The following VIL1 variants were observed in gnomAD, a reference collection of about 807,000 sequenced individuals.
VIL1 encodes villin-1.
A neutral mutation model predicts 104.0 loss-of-function variants in VIL1; 86 were observed. The ratio of observed to expected loss-of-function variants is 0.83; its 90% CI spans 0.69 to 0.99. The LOEUF (loss-of-function observed/expected upper bound fraction) is 0.99. Among genes scored for constraint, VIL1 ranks in the 50% least tolerant of loss-of-function variants. VIL1 has a pLI of 0.00. For missense variants in VIL1, 944 were observed against 1,054.1 expected (o/e 0.90, Z 1.45); for synonymous variants, 394 against 412.6 (o/e 0.95, Z 0.55).
intron 2 of VIL1, 94 bp downstream of exon 2, chr2:218,423,947 T>G: frequency 7.0e-7 from 1 of 1,434,668 alleles, no homozygotes; most frequent in Non-Finnish European, 9.7e-7. Context: ...TCGTTTCCTC[T>G]GCTCCTGCCC....
At chr2:218,448,556 A>G (rs1273367278) in intron 19 of VIL1, among the ~76,000 whole-genome samples, 1 of 151,386 alleles carries the variant, frequency 6.6e-6, no homozygotes, top group African/African-American at 2.4e-5. Context: ...ACAGTAAGAC[A>G]CTGTCTTAAA....
At chr2:218,420,453 GAAA>G (rs375284925) in intron 1 of VIL1, among the ~76,000 whole-genome samples, 23 of 134,746 alleles carry the variant, frequency 1.7e-4, no homozygotes, top group Non-Finnish European at 3.6e-4. Flanking sequence ...AAAAAGAAAA[GAAA>G]AAAAGAAAAA....
chr2:218,429,138 G>T, intron 6 of VIL1, 147 bp from the exon 7 acceptor site: 1 of 894,816 alleles, frequency 1.1e-6, no homozygotes. Context: ...TTAAAAGCTT[G>T]ACCCCTCCGA....
At chr2:218,438,910 A>C (rs1191654856) in intron 18 of VIL1, among the ~76,000 whole-genome samples, 184 bp downstream of exon 18, 1 of 144,246 alleles carries the variant, frequency 6.9e-6, no homozygotes, top group Admixed American at 7.2e-5. Flanking sequence ...TCAATTTCCT[A>C]GTGAAATGGT....
At chr2:218,439,350 G>A (rs1478531073) in intron 18 of VIL1, among the ~76,000 whole-genome samples, 1 of 152,144 alleles carries the variant, frequency 6.6e-6, no homozygotes, top group African/African-American at 2.4e-5. Context: ...TATAGACTTA[G>A]AATTGGCACC....
At chr2:218,423,394 C>G (rs1688927202) in intron 1 of VIL1, among the ~76,000 whole-genome samples, 1 of 151,870 alleles carries the variant, frequency 6.6e-6, no homozygotes, top group Non-Finnish European at 1.5e-5. Context: ...GACTCCATCT[C>G]AAAAAGAAGA....
chr2:218,445,224 A>T (rs1376770674), intron 19 of VIL1, among the ~76,000 whole-genome samples: 1 of 151,978 alleles, frequency 6.6e-6, no homozygotes, highest in Non-Finnish European at 1.5e-5. Flanking sequence ...ACAAAGTGAG[A>T]CCCTGTCTCT....
At chr2:218,420,943 A>G (rs1205801988) in intron 1 of VIL1, among the ~76,000 whole-genome samples, 1 of 152,068 alleles carries the variant, frequency 6.6e-6, no homozygotes, top group African/African-American at 2.4e-5. Context: ...AAAGACAAAC[A>G]TATCTAGGTC....
intron 2 of VIL1, 67 bp from the exon 3 acceptor site, chr2:218,424,209 GC>G: frequency 7.0e-7 from 1 of 1,433,654 alleles, no homozygotes. Flanking sequence ...CTCCCCTTGG[GC>G]CCTCCTCCCA....
At position 218,423,819 on chromosome 2, in the gene VIL1, T is replaced by C; in HGVS notation, c.41T>C (p.Ile14Thr). The change falls in exon 2 of 20, where the codon ATC becomes ACC. Residue 14 changes from isoleucine (I) to threonine (T), a missense_variant. Coordinates refer to ENST00000248444, the MANE Select transcript of VIL1 (RefSeq NM_007127.3). ...LSAQVKGSLN[I>T]TTPGLQIWRI... The stretch of plus-strand genomic sequence containing the variant: ...GCCCAAGTCAAAGGCTCTCTCAACA[T>C]CACCACCCCGGGGCTGCAGATATGG... 6.2e-7 allele frequency: 1 copy of C among 1,614,022 alleles called. No homozygotes were observed. Among genetic ancestry groups the C allele is most frequent in the Non-Finnish European group, 8.5e-7 (1 of 1,179,982 alleles).
chr2:218,449,275 C>T lies in VIL1; in HGVS notation c.2423C>T (p.Ala808Val). The change falls in exon 20 of 20, where the codon GCC (alanine) becomes GTC (valine). Residue 808 changes from alanine to valine, a missense_variant. Physicochemically the swap from Ala to Val is moderately conservative, Grantham distance 64. Transcript: ENST00000248444. ...FTQAFGMTPA[A>V]FSALPRWKQQ... Reference sequence around the variant, plus strand: ...CAGGCCTTTGGGATGACTCCAGCTGCCTTCTCTGCTCTGCCTCGATGGAAG... The same window carrying T: ...CAGGCCTTTGGGATGACTCCAGCTGTCTTCTCTGCTCTGCCTCGATGGAAG... The T allele has an allele frequency of 1.9e-6, 3 of 1,614,064 alleles. No individual in the cohort carries two copies. Among genetic ancestry groups the T allele is most frequent in the Non-Finnish European group, 2.5e-6 (3 of 1,179,950 alleles).
chr2:218,443,281 C>T (rs965798932), intron 19 of VIL1, among the ~76,000 whole-genome samples: 1 of 151,664 alleles, frequency 6.6e-6, no homozygotes, highest in East Asian at 1.9e-4. Flanking sequence ...TCACTGCAAC[C>T]TCTGCCTCCC....
chr2:218,444,894 T>C (rs1262952605), intron 19 of VIL1, among the ~76,000 whole-genome samples: 5 of 152,202 alleles, frequency 3.3e-5, no homozygotes, highest in Admixed American at 3.3e-4. Context: ...GGATGGGTAG[T>C]CCCTGCTATC....
chr2:218,449,646 A>G lies in VIL1; in HGVS notation c.*310A>G, dbSNP rs1032766484. On this transcript the variant is annotated 3_prime_UTR_variant, in exon 20 of 20. Coordinates refer to ENST00000248444, the MANE Select transcript of VIL1 (RefSeq NM_007127.3). The stretch of plus-strand genomic sequence containing the variant: ...GAAGAGCACAAACACTCCATGGAAC[A>G]TTAGAGTTCTGAGGCACTACCCTAG... 5.3e-5 allele frequency: 13 copies of G among 247,360 alleles called. No individual in the cohort carries two copies. Among genetic ancestry groups the G allele is most frequent in the Non-Finnish European group, 2.5e-5 (3 of 121,982 alleles). 15.3% of individuals were successfully genotyped at this position (247,360 alleles called of 1,614,324 possible).
rs200062805 is a variant in VIL1 at position 218,431,910 on chromosome 2, G to A, written c.1156G>A (p.Val386Met). ...CACATCCATGCATGTCAAGCCTCAG[G>A]TGGCTGCCCAGCAGAAGATGGTAGA... is the stretch of plus-strand genomic sequence containing the variant. The part of the protein sequence containing the change: ...DATSMHVKPQ[V>M]AAQQKMVDDG... The change falls in exon 11 of 20, where the codon GTG (valine) becomes ATG (methionine). Residue 386 changes from valine to methionine, a missense_variant. By Grantham distance (21) the Val-to-Met change is conservative (BLOSUM62 1). Coordinates refer to ENST00000248444, the MANE Select transcript of VIL1 (RefSeq NM_007127.3). 4.3e-5 allele frequency: 69 copies of A among 1,613,850 alleles called. No individual in the cohort carries two copies. The highest frequency in any genetic ancestry group is 3.3e-4 in the Admixed American group (20 of 59,946).
intron 10 of VIL1, chr2:218,431,085 A>G (rs1164766247): frequency 2.2e-5 from 15 of 685,410 alleles, no homozygotes; most frequent in Non-Finnish European, 3.6e-5. Context: ...ATGGTGGCAC[A>G]TGCCTGTAAT....
chr2:218,427,853 A>T, intron 4 of VIL1, 112 bp from the exon 5 acceptor site: 1 of 940,498 alleles, frequency 1.1e-6, no homozygotes, highest in Non-Finnish European at 1.7e-6. Flanking sequence ...GACCTCGCCT[A>T]CTCCCACCCT....
At chr2:218,432,324 A>G (rs991215587) in intron 12 of VIL1, 141 bp downstream of exon 12, 33 of 1,333,304 alleles carry the variant, frequency 2.5e-5, no homozygotes, top group Non-Finnish European at 3.4e-5. Context: ...TGCTTTGGCT[A>G]TGAGGTCCCG....
At chr2:218,439,888 C>T (rs184644262) in intron 18 of VIL1, among the ~76,000 whole-genome samples, 13 of 150,002 alleles carry the variant, frequency 8.7e-5, no homozygotes, top group East Asian at 2.0e-4. Context: ...GCCTGGGACA[C>T]GGGAATATGA....
Sources: gnomAD v4.1 joint callset for allele counts (sites outside exome capture counted in the v4.1 genomes callset) on GRCh38, gnomAD v4.1.1 for gene constraint, MANE v1.5 for transcripts, NCBI Gene and HGNC (gene_info 2026-07-23, HGNC 2026-07-21) for gene names.